Variants in NRXN1 observed in about 807,000 individuals in gnomAD.
The protein encoded by NRXN1 is neurexin-1.
Under a neutral mutation model 150.9 loss-of-function variants are expected in NRXN1, and 39 were observed. The ratio of observed to expected loss-of-function variants is 0.26; its 90% CI spans 0.20 to 0.34. The LOEUF is 0.34. Ranked by LOEUF, NRXN1 falls within the 10% of genes least tolerant of loss-of-function variation. The pLI is 1.00. For synonymous variants in NRXN1, 924 were observed against 757.0 expected, an observed-to-expected ratio of 1.22 and a Z score of -3.62; for missense variants, 1,815 against 1,949.9, an observed-to-expected ratio of 0.93 and a Z score of 1.30.
intron 5 of NRXN1, among the ~76,000 whole-genome samples, chr2:50,655,047 A>C (rs994193916): frequency 6.6e-6 from 1 of 151,978 alleles, no homozygotes; most frequent in Admixed American, 6.6e-5. Context: ...CTTGATGTAA[A>C]ATAGAAAAGT....
rs1573887629 is a variant in NRXN1 at position 50,096,135 on chromosome 2, G to C, written c.3547-4641C>G. The stretch of plus-strand genomic sequence containing the variant: ...ATGGAACTGAAGGCTATCAAAATAA[G>C]GGTTCAAACAACAGGCCCGACCCTA... On this transcript the variant is annotated intron_variant, in intron 18 of 22. Coordinates refer to ENST00000401669, the MANE Select transcript of NRXN1 (RefSeq NM_001330078.2). Among the ~76,000 whole-genome samples the C allele has an allele frequency of 2.0e-5, 3 of 151,926 alleles. No homozygotes were observed. The East Asian group carries it at 5.8e-4, about 30-fold the overall frequency.
chr2:50,326,171 A>G (rs2076371404), intron 17 of NRXN1, among the ~76,000 whole-genome samples: 1 of 152,164 alleles, frequency 6.6e-6, no homozygotes, highest in Non-Finnish European at 1.5e-5. Flanking sequence ...TTACGTTTGT[A>G]GTCCAATATT....
chr2:51,009,407 T>C (rs553741069), intron 2 of NRXN1: 8 of 152,092 alleles, frequency 5.3e-5, no homozygotes, highest in South Asian at 2.1e-4. Flanking sequence ...TGAATGAATA[T>C]AGACGGGCTA....
At chr2:50,319,873 C>T (rs1488199939) in intron 17 of NRXN1, among the ~76,000 whole-genome samples, 1 of 152,130 alleles carries the variant, frequency 6.6e-6, no homozygotes, top group Non-Finnish European at 1.5e-5. Context: ...ACTATGCAAT[C>T]GTCCTCTCTA....
Position 50,053,282 on chromosome 2 carries a change from G to A in NRXN1, c.4117C>T (p.Pro1373Ser). 6.2e-7 allele frequency: 1 copy of A among 1,613,966 alleles called. No individual in the cohort carries two copies. The highest frequency in any genetic ancestry group is 1.1e-5 in the South Asian group (1 of 91,078). ...ATCCACAGGCTCACCTGGCTAATGG[G>A]TTCTTTTGTCGGGGGCTTTCCTCTT... ...ARRGKPPTKE[P>S]ISQTTDDILV... is the part of the protein sequence containing the mutation. Residue 1373 changes from proline to serine, a missense_variant, in exon 21 of 23, where the codon CCC becomes TCC. Pro to Ser is a moderately conservative substitution (Grantham distance 74). Around this residue, in one of 6 missense-constraint regions of NRXN1, gnomAD observed 265 missense variants for 307.1 expected, o/e 0.86. Transcript: ENST00000401669.
At chr2:50,586,378 A>C (rs1265987194) in intron 8 of NRXN1, among the ~76,000 whole-genome samples, 1 of 152,146 alleles carries the variant, frequency 6.6e-6, no homozygotes, top group Non-Finnish European at 1.5e-5. Context: ...GCCACAGATA[A>C]ATTATATATT....
chr2:50,302,924 TCCATCC>T (rs2074294510), intron 17 of NRXN1, among the ~76,000 whole-genome samples: 3 of 151,878 alleles, frequency 2.0e-5, no homozygotes, highest in South Asian at 2.1e-4. Flanking sequence ...CATCCATCCA[TCCATCC>T]ATCCATCCAC....
At chr2:50,255,780 A>AT (rs2067642197) in intron 17 of NRXN1, among the ~76,000 whole-genome samples, 1 of 152,198 alleles carries the variant, frequency 6.6e-6, no homozygotes, top group Non-Finnish European at 1.5e-5. Flanking sequence ...AGTCATTTAA[A>AT]TTAAGTTTTA....
intron 17 of NRXN1, among the ~76,000 whole-genome samples, chr2:50,417,841 C>T (rs1558695707): frequency 6.6e-6 from 1 of 151,760 alleles, no homozygotes; most frequent in Non-Finnish European, 1.5e-5. Flanking sequence ...CCGAAAAGTG[C>T]AGGATCACAA....
At chr2:50,103,798 C>A (rs17039292) in intron 18 of NRXN1, among the ~76,000 whole-genome samples, 3,295 of 151,952 alleles carry the variant, frequency 0.022, 124 homozygotes, top group African/African-American at 0.075. Context: ...CAGTTGTGGA[C>A]GTTTAGCTCA....
At chr2:50,401,988 G>T (rs947335308) in intron 17 of NRXN1, among the ~76,000 whole-genome samples, 1 of 152,056 alleles carries the variant, frequency 6.6e-6, no homozygotes, top group Non-Finnish European at 1.5e-5. Flanking sequence ...TCCCAGTAGA[G>T]TGAACTGAAG....
intron 17 of NRXN1, among the ~76,000 whole-genome samples, chr2:50,394,635 G>T (rs1292550366): frequency 6.6e-6 from 1 of 151,616 alleles, no homozygotes; most frequent in African/African-American, 2.4e-5. Context: ...TCCTAATACG[G>T]TTTTTTTTCC....
rs6727136 is a variant in NRXN1 at position 50,346,356 on chromosome 2, C to T, written c.3365-109386G>A. 6.4e-4 allele frequency among the ~76,000 whole-genome samples: 98 copies of T among 152,254 alleles called. 2 individuals carry two copies. The highest frequency in any genetic ancestry group is 2.0e-3 in the African/African-American group (85 of 41,554). On this transcript the variant is annotated intron_variant, in intron 17 of 22. Transcript: ENST00000401669. This position sits in a 1 kb window ranked among gnomAD's most constrained non-coding sequence, Gnocchi z 5.0. ...CCTTAGCTGAGCGCGGCGCCCCATC[C>T]GGCCACTGAGTGACCTTCTGGCAAC...
chr2:50,666,708 C>T (rs1403762285), intron 5 of NRXN1, among the ~76,000 whole-genome samples: 1 of 151,806 alleles, frequency 6.6e-6, no homozygotes, highest in Non-Finnish European at 1.5e-5. Context: ...ATAGATTATG[C>T]AGGTAAAAAA....
intron 2 of NRXN1, among the ~76,000 whole-genome samples, chr2:51,000,059 T>A (rs1440716630): frequency 2.0e-5 from 3 of 152,050 alleles, no homozygotes; most frequent in East Asian, 1.9e-4. Context: ...ACCGTGCCCA[T>A]CTATCTCTCA....
intron 9 of NRXN1, among the ~76,000 whole-genome samples, chr2:50,548,973 G>T (rs764696913): frequency 2.6e-5 from 4 of 152,052 alleles, no homozygotes; most frequent in African/African-American, 4.8e-5. Context: ...CAAATCAACA[G>T]ATATGGCCTC....
intron 5 of NRXN1, among the ~76,000 whole-genome samples, chr2:50,669,168 G>C (rs1688482126): frequency 6.6e-6 from 1 of 151,974 alleles, no homozygotes; most frequent in Non-Finnish European, 1.5e-5. Flanking sequence ...TAAGCTCTGA[G>C]CATGTAGAAG....
chr2:50,418,487 C>T (rs1054268546), intron 17 of NRXN1, among the ~76,000 whole-genome samples: 2 of 152,100 alleles, frequency 1.3e-5, no homozygotes, highest in Admixed American at 6.6e-5. Flanking sequence ...GTGACTGGAA[C>T]GGAGAAAGGG....
chr2:50,201,457 G>C (rs2062157032), intron 18 of NRXN1, among the ~76,000 whole-genome samples: 1 of 152,130 alleles, frequency 6.6e-6, no homozygotes, highest in South Asian at 2.1e-4. Context: ...TGTCCCTCAA[G>C]GGCAAGGATC....
Sources: gnomAD v4.1 joint callset for allele counts (sites outside exome capture counted in the v4.1 genomes callset) on GRCh38, gnomAD v4.1.1 for gene constraint, gnomAD v4.1.1 regional missense constraint, Gnocchi (gnomAD v3.1) non-coding constraint, MANE v1.5 for transcripts, NCBI Gene and HGNC (gene_info 2026-07-23, HGNC 2026-07-21) for gene names.